Variants in DLEC1 observed in about 807,000 individuals in gnomAD.
The protein encoded by DLEC1 is DLEC1 cilia and flagella associated protein, also known as deleted in lung and esophageal cancer protein 1.
A neutral mutation model predicts 198.1 loss-of-function variants in DLEC1; 146 were observed. The ratio of observed to expected loss-of-function variants is 0.74; its 90% CI spans 0.64 to 0.85. The LOEUF (loss-of-function observed/expected upper bound fraction) is 0.85. DLEC1 is among the 40% of genes least tolerant of loss of function. The pLI is 0.00. For synonymous variants in DLEC1, 897 were observed against 866.8 expected, an observed-to-expected ratio of 1.03 and a Z score of -0.61; for missense variants, 2,233 against 2,220.0, an observed-to-expected ratio of 1.01 and a Z score of -0.12.
rs762092723 is a variant in DLEC1 at position 38,122,380 on chromosome 3, G to A, written c.5236G>A (p.Asp1746Asn). The A allele has an allele frequency of 6.2e-6, 10 of 1,614,082 alleles. No homozygotes were observed. The East Asian group carries it at 8.9e-5, about 14-fold the overall frequency. ...TLRLRGQGSY[D>N]ERYMLPHQP ...GCGGCTCCGGGGCCAAGGCTCCTATGATGAGAGATACATGTTGCCTCACCA... is the reference window on the plus strand; with the variant it reads ...GCGGCTCCGGGGCCAAGGCTCCTATAATGAGAGATACATGTTGCCTCACCA... The change falls in exon 37 of 37, where the codon GAT (aspartate) becomes AAT (asparagine). Residue 1746 changes from aspartate to asparagine, a missense_variant. Physicochemically the swap from Asp to Asn is conservative, Grantham distance 23 (BLOSUM62 1). Coordinates refer to ENST00000308059, the MANE Select transcript of DLEC1 (RefSeq NM_007335.4).
intron 13 of DLEC1, 107 bp from the exon 14 acceptor site, chr3:38,095,781 T>A: frequency 6.9e-7 from 1 of 1,442,738 alleles, no homozygotes; most frequent in Middle Eastern, 2.1e-4. Context: ...AAGGTCCTTC[T>A]GATGGCTAGG....
rs747120384 is a variant in DLEC1 at position 38,039,547 on chromosome 3, G to A, written c.322G>A (p.Val108Ile). 1.9e-5 allele frequency: 31 copies of A among 1,613,886 alleles called. No individual in the cohort carries two copies. The highest frequency in any genetic ancestry group is 1.8e-4 in the East Asian group (8 of 44,894). The change falls in exon 1 of 37, where the codon GTC (valine) becomes ATC (isoleucine). Residue 108 changes from valine to isoleucine, a missense_variant. Coordinates refer to ENST00000308059, the MANE Select transcript of DLEC1 (RefSeq NM_007335.4). Reference sequence around the variant, plus strand: ...CTTCCGCAACTTGTACTCAGCCGAGGTCATCGGCGACGAAGTGAGCGCAAG... The same window carrying A: ...CTTCCGCAACTTGTACTCAGCCGAGATCATCGGCGACGAAGTGAGCGCAAG... ...GVFRNLYSAE[V>I]IGDEVSASLI... is the part of the protein sequence containing the mutation.
intron 27 of DLEC1, among the ~76,000 whole-genome samples, chr3:38,115,884 T>C (rs1700130799): frequency 6.6e-6 from 1 of 151,692 alleles, no homozygotes; most frequent in Admixed American, 6.6e-5. Flanking sequence ...TGGGGACAGA[T>C]TGATGGGGGT....
Position 38,123,002 on chromosome 3 carries a change from G to A in DLEC1, c.*590G>A, listed in dbSNP as rs778096621. ...TTGTGGTGTTACTGCCTTGCTGCTA[G>A]AGCAGCAGGACTGTCTGCGTAGCGC... On this transcript the variant is annotated 3_prime_UTR_variant, in exon 37 of 37. Coordinates refer to ENST00000308059, the MANE Select transcript of DLEC1 (RefSeq NM_007335.4). 6.4e-7 allele frequency: 1 copy of A among 1,571,652 alleles called. No individual in the cohort carries two copies. Among genetic ancestry groups the A allele is most frequent in the Non-Finnish European group, 8.8e-7 (1 of 1,142,632 alleles).
chr3:38,078,230 G>A (rs887967383), intron 6 of DLEC1, among the ~76,000 whole-genome samples: 4 of 152,174 alleles, frequency 2.6e-5, no homozygotes, highest in Non-Finnish European at 2.9e-5. Context: ...AGGAGCCGGG[G>A]AGCAGAAAGT....
chr3:38,095,274 A>C, intron 13 of DLEC1: 2 of 592,774 alleles, frequency 3.4e-6, no homozygotes, highest in Non-Finnish European at 5.8e-6. Flanking sequence ...CTGATCCCAG[A>C]CTCACCCCAT....
At chr3:38,092,947 A>G (rs11129778) in intron 11 of DLEC1, 67 bp downstream of exon 11, 1,345,104 of 1,455,658 alleles carry the variant, frequency 0.92, 621,873 homozygotes, top group African/African-American at 0.98. Context: ...GCCACTGACC[A>G]CAGTAGCATT....
rs1176824501 is a variant in DLEC1 at position 38,107,549 on chromosome 3, C to T, written c.2865-35C>T. ...TAGGGACAGCTTTACTTCTTCTTTTCTAATCAGTATGCCTTTTGTTTCCTC... is the reference window on the plus strand; with the variant it reads ...TAGGGACAGCTTTACTTCTTCTTTTTTAATCAGTATGCCTTTTGTTTCCTC... On this transcript the variant is annotated intron_variant, in intron 19 of 36. Coordinates refer to ENST00000308059, the MANE Select transcript of DLEC1 (RefSeq NM_007335.4). 2.0e-6 allele frequency: 3 copies of T among 1,534,230 alleles called. No individual in the cohort carries two copies. In the East Asian group the frequency reaches 7.2e-5, roughly 37 times the overall value.
chr3:38,107,150 G>C (rs189619661), intron 19 of DLEC1, among the ~76,000 whole-genome samples: 33 of 152,188 alleles, frequency 2.2e-4, no homozygotes, highest in African/African-American at 7.9e-4. Flanking sequence ...AATCCTGGGG[G>C]CTCAGTAGGT....
intron 25 of DLEC1, 53 bp from the exon 26 acceptor site, chr3:38,114,289 G>T: frequency 1.9e-6 from 3 of 1,580,000 alleles, no homozygotes; most frequent in Middle Eastern, 1.7e-4. Flanking sequence ...GCCCAGAGGG[G>T]ATGTGGTCGC....
At chr3:38,064,547 G>C (rs993375169) in intron 6 of DLEC1, among the ~76,000 whole-genome samples, 1 of 151,942 alleles carries the variant, frequency 6.6e-6, no homozygotes, top group African/African-American at 2.4e-5. Context: ...ACGGGGTGGC[G>C]GCCGGGCAGA....
chr3:38,044,595 A>T (rs1700800847), intron 1 of DLEC1, among the ~76,000 whole-genome samples: 3 of 152,050 alleles, frequency 2.0e-5, no homozygotes, highest in Admixed American at 1.3e-4. Flanking sequence ...AAAGGAAAAG[A>T]AAGAAACAGG....
intron 2 of DLEC1, chr3:38,052,126 A>G: frequency 8.1e-6 from 3 of 370,178 alleles, no homozygotes; most frequent in Non-Finnish European, 1.1e-5. Context: ...GACCCTGTGC[A>G]ACAGACACTC....
At chr3:38,089,702 C>A (rs1270625146) in intron 10 of DLEC1, among the ~76,000 whole-genome samples, 1 of 152,162 alleles carries the variant, frequency 6.6e-6, no homozygotes, top group Non-Finnish European at 1.5e-5. Context: ...TCATCCCATC[C>A]TCCTGGGATC....
intron 7 of DLEC1, among the ~76,000 whole-genome samples, chr3:38,084,549 G>A (rs76340143): frequency 2.4e-5 from 1 of 41,450 alleles, no homozygotes; most frequent in South Asian, 5.6e-4. Flanking sequence ...GGTAGTAGTA[G>A]TGGTAGTAGT....
At chr3:38,070,143 TG>T in intron 6 of DLEC1, among the ~76,000 whole-genome samples, 1 of 152,102 alleles carries the variant, frequency 6.6e-6, no homozygotes, top group Non-Finnish European at 1.5e-5. Flanking sequence ...ACCTTGCCCT[TG>T]GGGGTCTCCC....
intron 2 of DLEC1, chr3:38,052,200 C>A: frequency 2.2e-6 from 1 of 448,204 alleles, no homozygotes; most frequent in Non-Finnish European, 4.5e-6. Flanking sequence ...TAATTTCATC[C>A]ATACCCAATG....
chr3:38,116,717 A>T (rs1041449634), intron 28 of DLEC1, 56 bp from the exon 29 acceptor site: 69 of 1,609,094 alleles, frequency 4.3e-5, no homozygotes, highest in African/African-American at 6.7e-5. Flanking sequence ...AGGTGTGGCC[A>T]GTAGGCTAGT....
In DLEC1 at chr3:38,120,533, A is replaced by G; in HGVS notation, c.4790A>G (p.Gln1597Arg). 6.2e-7 allele frequency: 1 copy of G among 1,614,230 alleles called. No homozygotes were observed. The highest frequency in any genetic ancestry group is 1.1e-5 in the South Asian group (1 of 91,082). The change falls in exon 34 of 37, where the codon CAG becomes CGG. Residue 1597 changes from glutamine to arginine, a missense_variant. Transcript: ENST00000308059. ...CAGACACTGCCTGGGGTGGACATTC[A>G]GCAGAGTGCGAGTGGAGAGAGAGAG... ...ADQTLPGVDIQQSASGEREMV... is the reference protein window; with the variant it reads ...ADQTLPGVDIRQSASGEREMV...
Sources: gnomAD v4.1 joint callset for allele counts (sites outside exome capture counted in the v4.1 genomes callset) on GRCh38, gnomAD v4.1.1 for gene constraint, MANE v1.5 for transcripts, NCBI Gene and HGNC (gene_info 2026-07-23, HGNC 2026-07-21) for gene names.